The following SENP6 variants were observed in gnomAD, a reference collection of about 807,000 sequenced individuals.
The protein encoded by SENP6 is SUMO specific peptidase 6, also known as sentrin-specific protease 6.
SENP6 carries 41 observed loss-of-function variants against 134.5 expected under a neutral mutation model. The ratio of observed to expected loss-of-function variants is 0.30; its 90% CI spans 0.24 to 0.40. SENP6 has a LOEUF of 0.40. Among genes scored for constraint, SENP6 ranks in the 10% least tolerant of loss-of-function variants. The pLI is 1.00. For synonymous variants in SENP6, 395 were observed against 429.8 expected (o/e 0.92, Z 1.00); for missense variants, 1,248 against 1,312.5 (o/e 0.95, Z 0.76).
chr6:75,703,345 A>G (rs548099153), intron 19 of SENP6, among the ~76,000 whole-genome samples: 136 of 152,292 alleles, frequency 8.9e-4, no homozygotes, highest in African/African-American at 3.0e-3. Context: ...ACAATATAGT[A>G]ACACAACTTA....
Position 75,638,158 on chromosome 6 carries a change from G to T in SENP6, c.459-2526G>T, listed in dbSNP as rs370298337. Among the ~76,000 whole-genome samples the T allele has an allele frequency of 1.1e-4, 17 of 151,902 alleles. No individual in the cohort carries two copies. In the East Asian group the frequency reaches 2.9e-3, roughly 26 times the overall value. On this transcript the variant is annotated intron_variant, in intron 5 of 23. Transcript: ENST00000447266. Reference sequence around the variant, plus strand: ...ATTACAGGCTTGTGCCACCACACCTGTCCCATTTTGAGAGAATTTTTGAAG... The same window carrying T: ...ATTACAGGCTTGTGCCACCACACCTTTCCCATTTTGAGAGAATTTTTGAAG...
At position 75,633,707 on chromosome 6, in the gene SENP6, A is replaced by C; in HGVS notation, c.334A>C (p.Ser112Arg). 1 of 1,606,908 alleles carries C rather than the reference A, an allele frequency of 6.2e-7. No individual in the cohort carries two copies. Among genetic ancestry groups the C allele is most frequent in the Non-Finnish European group, 8.5e-7 (1 of 1,177,878 alleles). The change falls in exon 4 of 24, where the codon AGC (serine) becomes CGC (arginine). Residue 112 changes from serine to arginine, a missense_variant. By Grantham distance (110) the Ser-to-Arg change is moderately radical. Transcript: ENST00000447266. ...KGNPIGLNML[S>R]NNKKLSENTQ... ...CAACCCAATTGGACTTAACATGTTG[A>C]GCAACAATAAGAAATTGAGGTATAG...
chr6:75,629,254 A>C (rs1768926734), intron 3 of SENP6, among the ~76,000 whole-genome samples: 1 of 152,078 alleles, frequency 6.6e-6, no homozygotes, highest in Non-Finnish European at 1.5e-5. Context: ...AAAAACTGAA[A>C]TCTTGTTAAT....
intron 1 of SENP6, among the ~76,000 whole-genome samples, chr6:75,616,807 A>G (rs1767884678): frequency 6.6e-6 from 1 of 151,342 alleles, no homozygotes; most frequent in Non-Finnish European, 1.5e-5. Context: ...GTGCATAAAT[A>G]TTACGACGTC....
chr6:75,607,780 C>T (rs900042499), intron 1 of SENP6, among the ~76,000 whole-genome samples: 1 of 152,146 alleles, frequency 6.6e-6, no homozygotes, highest in Non-Finnish European at 1.5e-5. Flanking sequence ...CTTCTGTCTC[C>T]AAATGAAAAG....
chr6:75,704,797 C>G (rs925998737), intron 19 of SENP6, among the ~76,000 whole-genome samples: 1 of 152,126 alleles, frequency 6.6e-6, no homozygotes, highest in Non-Finnish European at 1.5e-5. Context: ...CGCATTGTGC[C>G]CCTGGTTTAT....
chr6:75,665,229 T>C (rs972951685), intron 9 of SENP6, among the ~76,000 whole-genome samples: 2 of 150,436 alleles, frequency 1.3e-5, no homozygotes, highest in Non-Finnish European at 2.9e-5. Context: ...GAGCTTGCAG[T>C]GAGCCAAGAT....
chr6:75,698,748 C>T (rs954397724), intron 18 of SENP6, among the ~76,000 whole-genome samples: 7 of 151,994 alleles, frequency 4.6e-5, no homozygotes, highest in African/African-American at 7.2e-5. Flanking sequence ...TGGTGGCTCA[C>T]GCCTGTAATC....
intron 16 of SENP6, among the ~76,000 whole-genome samples, chr6:75,685,966 C>T (rs1419097382): frequency 4.6e-5 from 7 of 152,078 alleles, no homozygotes; most frequent in Non-Finnish European, 4.4e-5. Flanking sequence ...CTTTCTGTCT[C>T]GTTGATCTGT....
chr6:75,632,932 A>C (rs1461116341), intron 3 of SENP6, among the ~76,000 whole-genome samples: 1 of 152,168 alleles, frequency 6.6e-6, no homozygotes, highest in African/African-American at 2.4e-5. Flanking sequence ...GGATGCTAAA[A>C]TAATTTATAT....
chr6:75,628,664 C>G (rs553232801), intron 3 of SENP6, among the ~76,000 whole-genome samples: 1 of 152,060 alleles, frequency 6.6e-6, no homozygotes, highest in East Asian at 1.9e-4. Context: ...GCTGACAAAT[C>G]CTGGTTACAT....
chr6:75,702,794 G>C lies in SENP6; in HGVS notation c.2438G>C (p.Ser813Thr). The change falls in exon 19 of 24, where the codon AGT becomes ACT. Residue 813 changes from serine to threonine, a missense_variant. By Grantham distance (58) the Ser-to-Thr change is moderately conservative. This residue lies in a region of SENP6 where 386 missense variants were observed against 395.0 expected (regional missense o/e 0.98). Transcript: ENST00000447266. ...TCTTCTTCAGCCAGTGAAATGGAGA[G>C]TTGTTCACAAAACTCTTCTGCCAAG... is the stretch of plus-strand genomic sequence containing the variant. ...CISSSASEME[S>T]CSQNSSAKPV... 6.2e-7 allele frequency: 1 copy of C among 1,614,102 alleles called. No individual in the cohort carries two copies. The highest frequency in any genetic ancestry group is 8.5e-7 in the Non-Finnish European group (1 of 1,180,010).
intron 1 of SENP6, among the ~76,000 whole-genome samples, chr6:75,613,585 TA>T (rs1767625592): frequency 1.3e-5 from 2 of 151,802 alleles, no homozygotes; most frequent in Admixed American, 1.3e-4. Context: ...TTTCCACAAA[TA>T]GGGGGATGTA....
Position 75,647,820 on chromosome 6 carries a change from T to TA in SENP6, c.550+20dup, listed in dbSNP as rs1298775586. 4.4e-6 allele frequency: 7 copies of TA among 1,589,142 alleles called. No individual in the cohort carries two copies. The African/African-American group carries it at 9.4e-5, about 21-fold the overall frequency. On this transcript the variant is annotated intron_variant, in intron 7 of 23. Transcript: ENST00000447266. ...GGTGTTGGTAAGTGTGCAGTTTTGT[T>TA]ACACCTGTGAAGGATTTCAAATTGC...
Position 75,636,735 on chromosome 6 carries a change from C to T in SENP6, c.458+1924C>T, listed in dbSNP as rs541307152. Among the ~76,000 whole-genome samples, 8 of 152,238 alleles carry T rather than the reference C, an allele frequency of 5.3e-5. No homozygotes were observed. In the East Asian group the frequency reaches 1.5e-3, roughly 29 times the overall value. ...AGAAGAAACTGCATGCAGTAGGAAT[C>T]ACGTCTTCAAAGGCACAAAGAAAGG... On this transcript the variant is annotated intron_variant, in intron 5 of 23. Coordinates refer to ENST00000447266, the MANE Select transcript of SENP6 (RefSeq NM_015571.4).
Position 75,652,253 on chromosome 6 carries a change from C to T in SENP6, c.550+4452C>T, listed in dbSNP as rs150077768. On this transcript the variant is annotated intron_variant, in intron 7 of 23. Coordinates refer to ENST00000447266, the MANE Select transcript of SENP6 (RefSeq NM_015571.4). ...ACAACTTTTTTTTGACCTCGTGATC[C>T]GCCTGCCTCAGCCTCCCAAAGTGCT... Among the ~76,000 whole-genome samples, 171 of 151,488 alleles carry T rather than the reference C, an allele frequency of 1.1e-3. 1 individual carries two copies. Among genetic ancestry groups the T allele is most frequent in the African/African-American group, 3.6e-3 (150 of 41,306 alleles).
rs576297905 is a variant in SENP6 at position 75,677,203 on chromosome 6, T to C, written c.1795T>C (p.Tyr599His). 6.2e-7 allele frequency: 1 copy of C among 1,608,782 alleles called. No homozygotes were observed. The highest frequency in any genetic ancestry group is 1.1e-5 in the South Asian group (1 of 89,250). ...CAGACTTGTTGCCTGTACAAGAACC[T>C]ATGAAGAGAGCATCAAAGGAAGTTG... ...NGRLVACTRT[Y>H]EESIKGSCGQ... The change falls in exon 14 of 24, where the codon TAT becomes CAT. Residue 599 changes from tyrosine to histidine, a missense_variant. By Grantham distance (83) the Tyr-to-His change is moderately conservative. Around this residue, in one of 3 missense-constraint regions of SENP6, gnomAD observed 733 missense variants for 725.4 expected, o/e 1.01. Transcript: ENST00000447266.
At chr6:75,624,061 C>A in intron 3 of SENP6, 101 bp downstream of exon 3, 1 of 844,864 alleles carries the variant, frequency 1.2e-6, no homozygotes, top group Non-Finnish European at 1.8e-6. Context: ...CAGTTACCCA[C>A]TTTCTCCACT....
At chr6:75,646,260 A>G (rs1259723784) in intron 6 of SENP6, among the ~76,000 whole-genome samples, 2 of 152,214 alleles carry the variant, frequency 1.3e-5, no homozygotes, top group Non-Finnish European at 2.9e-5. Flanking sequence ...TCTCATTTTC[A>G]TAATGCATAT....
Sources: allele counts gnomAD v4.1 joint callset (sites outside exome capture counted in the v4.1 genomes callset), GRCh38; gene constraint gnomAD v4.1.1; regional missense constraint gnomAD v4.1.1; transcripts MANE v1.5; gene names NCBI Gene and HGNC (gene_info 2026-07-23, HGNC 2026-07-21).